Variants in ADAMTSL3 observed in about 807,000 individuals in gnomAD.
ADAMTSL3 encodes the protein ADAMTS-like protein 3.
A neutral mutation model predicts 201.7 loss-of-function variants in ADAMTSL3; 128 were observed. The ratio of observed to expected loss-of-function variants is 0.63; its 90% confidence interval spans 0.55 to 0.73. The LOEUF (loss-of-function observed/expected upper bound fraction) is 0.73, where lower values mean the gene tolerates loss of function less well. Ranked by LOEUF, ADAMTSL3 falls within the 30% of genes least tolerant of loss-of-function variation. The pLI is 0.00. For synonymous variants in ADAMTSL3, 738 were observed against 748.4 expected (o/e 0.99, Z 0.23); for missense variants, 1,990 against 2,119.6 (o/e 0.94, Z 1.20).
At position 83,804,694 on chromosome 15, in the gene ADAMTSL3, A is replaced by G. The variant is rs1268955822; in HGVS notation, c.362A>G (p.His121Arg). 6 of 1,580,516 alleles carry G rather than the reference A, an allele frequency of 3.8e-6. No individual in the cohort carries two copies. ...QNIRYKTCSN[H>R]DCPPDAEDFR... ...ATTCGGTACAAGACATGCAGCAATC[A>G]TGTAAGTCATAAAATAAAATTATTT... is the stretch of plus-strand genomic sequence containing the variant. Residue 121 changes from histidine to arginine, a missense_variant and splice_region_variant, in exon 5 of 30, where the codon CAT (histidine) becomes CGT (arginine). Coordinates refer to ENST00000286744, the MANE Select transcript of ADAMTSL3 (RefSeq NM_207517.3).
rs1379549093 is a variant in ADAMTSL3 at position 83,838,118 on chromosome 15, C to T, written c.630C>T (p.Ser210=). ...TGGGCTGCGATCGGCAACTGGGAAG[C>T]AATGCCAAGGAGGACAACTGTGGAG... ...QAVGCDRQLG[S]NAKEDNCGVC... is the part of the protein sequence containing the mutation. The change falls in exon 7 of 30, where the codon AGC becomes AGT. Residue 210 remains serine (S), a synonymous_variant. Transcript: ENST00000286744. The T allele has an allele frequency of 1.2e-6, 2 of 1,612,020 alleles. No individual in the cohort carries two copies. The highest frequency in any genetic ancestry group is 1.7e-6 in the Non-Finnish European group (2 of 1,179,274).
At chr15:83,810,325 G>A (rs2063672822) in intron 5 of ADAMTSL3, among the ~76,000 whole-genome samples, 1 of 152,196 alleles carries the variant, frequency 6.6e-6, no homozygotes, top group Non-Finnish European at 1.5e-5. Flanking sequence ...AGTCCAGATG[G>A]GGCATGTAGG....
intron 21 of ADAMTSL3, 21 bp from the exon 22 acceptor site, chr15:83,988,670 G>A (rs778547419): frequency 7.1e-5 from 111 of 1,571,444 alleles, no homozygotes; most frequent in Non-Finnish European, 8.7e-5. Flanking sequence ...TGAATGTGTC[G>A]TCTTTCTAAC....
chr15:83,871,803 C>T (rs73439482), intron 9 of ADAMTSL3, among the ~76,000 whole-genome samples: 39 of 152,200 alleles, frequency 2.6e-4, no homozygotes, highest in African/African-American at 8.7e-4. Context: ...AAAGATAGTT[C>T]AGTGTGTGGT....
intron 3 of ADAMTSL3, among the ~76,000 whole-genome samples, chr15:83,764,359 T>C (rs1395025416): frequency 6.6e-6 from 1 of 152,170 alleles, no homozygotes; most frequent in Non-Finnish European, 1.5e-5. Flanking sequence ...AGCTTCTCTT[T>C]GCCCTCCAGA....
Position 83,982,684 on chromosome 15 carries a change from A to C in ADAMTSL3, c.3056A>C (p.Asp1019Ala). ...REPMREYPGM[D>A]HSEANSLGVT... is the part of the protein sequence containing the mutation. ...CCTATGAGGGAATATCCTGGGATGG[A>C]CCACAGCGAAGCCAATAGTTTGGGA... The change falls in exon 21 of 30, where the codon GAC (aspartate) becomes GCC (alanine). Residue 1019 changes from aspartate to alanine, a missense_variant. Transcript: ENST00000286744. 1.2e-6 allele frequency: 2 copies of C among 1,614,070 alleles called. No homozygotes were observed. The highest frequency in any genetic ancestry group is 1.7e-6 in the Non-Finnish European group (2 of 1,180,038).
At chr15:83,820,878 C>G (rs1277034849) in intron 6 of ADAMTSL3, among the ~76,000 whole-genome samples, 1 of 152,052 alleles carries the variant, frequency 6.6e-6, no homozygotes, top group Non-Finnish European at 1.5e-5. Context: ...AGATCAAGAC[C>G]AGCCTGGCAA....
At chr15:83,714,824 TTC>T (rs752449780) in intron 3 of ADAMTSL3, among the ~76,000 whole-genome samples, 1 of 98,278 alleles carries the variant, frequency 1.0e-5, no homozygotes, top group African/African-American at 2.9e-5. Flanking sequence ...CTTTCTTTCC[TTC>T]TCTCTCTCTT....
rs76418494 is a variant in ADAMTSL3, at chr15:83,752,991, G to C, written c.190-20532G>C. ...GTCATTGTCCTTCCTTGTTCTTTCA[G>C]TGTGTATTGCCTGCTTGCAATCATG... On this transcript the variant is annotated intron_variant, in intron 3 of 29. Transcript: ENST00000286744. Among the ~76,000 whole-genome samples the C allele has an allele frequency of 3.7e-4, 56 of 152,272 alleles. 1 individual carries two copies. In the East Asian group the frequency reaches 8.3e-3, roughly 23 times the overall value.
chr15:83,660,522 C>G (rs1350008572), intron 2 of ADAMTSL3, among the ~76,000 whole-genome samples: 2 of 152,176 alleles, frequency 1.3e-5, no homozygotes, highest in African/African-American at 4.8e-5. Flanking sequence ...AGTGTTGCCC[C>G]ATGCTGGGTG....
intron 3 of ADAMTSL3, among the ~76,000 whole-genome samples, chr15:83,721,613 C>T (rs2554389): frequency 0.2 from 30,265 of 152,104 alleles, 3,937 homozygotes; most frequent in Middle Eastern, 0.37. Context: ...GTACATGTTC[C>T]GTAGTTTGAG....
chr15:83,722,385 G>GA (rs929234099), intron 3 of ADAMTSL3, among the ~76,000 whole-genome samples: 2 of 152,100 alleles, frequency 1.3e-5, no homozygotes, highest in African/African-American at 4.8e-5. Flanking sequence ...AAGCTTTTGT[G>GA]AAAAAAATTC....
intron 3 of ADAMTSL3, among the ~76,000 whole-genome samples, chr15:83,748,983 C>T (rs981235963): frequency 6.6e-6 from 1 of 152,036 alleles, no homozygotes; most frequent in African/African-American, 2.4e-5. Context: ...GGGATTGACA[C>T]TCATGGAAGG....
In ADAMTSL3 at chr15:83,801,651, AATATATATATATATATATATATATAT is replaced by A. The variant is rs68098545; in HGVS notation, c.318-2980_318-2955del. Reference sequence around the variant, plus strand: ...TTATATATATAAATATATAAATATAAATATATATATATATATATATATATATATATATATATATATATATGTATGTA... The same window carrying A: ...TTATATATATAAATATATAAATATAAATATATATATATATATATGTATGTA... On this transcript the variant is annotated intron_variant, in intron 4 of 29. Coordinates refer to ENST00000286744, the MANE Select transcript of ADAMTSL3 (RefSeq NM_207517.3). Among the ~76,000 whole-genome samples, 8 of 31,288 alleles carry A rather than the reference AATATATATATATATATATATATATAT, an allele frequency of 2.6e-4. 1 individual carries two copies. Among genetic ancestry groups the A allele is most frequent in the Non-Finnish European group, 5.3e-4 (8 of 14,978 alleles). 20.5% of individuals were successfully genotyped at this position (31,288 alleles called of 152,430 possible).
rs745649053 is a variant in ADAMTSL3, at chr15:83,822,570, G to A, written c.600+2523G>A. Among the ~76,000 whole-genome samples the A allele has an allele frequency of 4.8e-3, 713 of 149,332 alleles. 2 individuals are homozygous for A. Among genetic ancestry groups the A allele is most frequent in the Non-Finnish European group, 6.0e-3 (401 of 67,366 alleles). On this transcript the variant is annotated intron_variant, in intron 6 of 29. Transcript: ENST00000286744. ...ACATCCCAGACGGGGCGGCGGGGCA[G>A]AGGCGCTCCCCACATCTCAGACGAT... is the stretch of plus-strand genomic sequence containing the variant.
chr15:83,895,003 T>C (rs2065583979), intron 13 of ADAMTSL3, among the ~76,000 whole-genome samples: 2 of 152,352 alleles, frequency 1.3e-5, no homozygotes, highest in Admixed American at 1.3e-4. Context: ...GCAATGATTT[T>C]ATTGTTAATT....
chr15:83,835,514 A>G (rs1431264067), intron 6 of ADAMTSL3, among the ~76,000 whole-genome samples: 1 of 152,196 alleles, frequency 6.6e-6, no homozygotes. Context: ...ACACTCTTCA[A>G]AACAAGCCCC....
chr15:83,689,224 A>G (rs2061581127), intron 2 of ADAMTSL3, among the ~76,000 whole-genome samples: 1 of 152,240 alleles, frequency 6.6e-6, no homozygotes, highest in Non-Finnish European at 1.5e-5. Flanking sequence ...CAACTGCACA[A>G]TAATACGTAA....
At chr15:83,924,807 T>C (rs1274655699) in intron 17 of ADAMTSL3, among the ~76,000 whole-genome samples, 2 of 152,154 alleles carry the variant, frequency 1.3e-5, no homozygotes, top group Non-Finnish European at 1.5e-5. Flanking sequence ...CCTTATTATC[T>C]TGTGACCCCT....
Sources: allele counts gnomAD v4.1 joint callset (sites outside exome capture counted in the v4.1 genomes callset), GRCh38; gene constraint gnomAD v4.1.1; transcripts MANE v1.5; gene names NCBI Gene and HGNC (gene_info 2026-07-23, HGNC 2026-07-21).